The following PTPRD variants were observed in gnomAD, a reference collection of about 807,000 sequenced individuals.
The protein encoded by PTPRD is protein tyrosine phosphatase receptor type D.
Under a neutral mutation model 214.5 loss-of-function variants are expected in PTPRD, and 34 were observed. That is an observed-to-expected ratio of 0.16 (90% confidence interval 0.12 to 0.21). The LOEUF is 0.21. Among genes scored for constraint, PTPRD ranks in the 10% least tolerant of loss-of-function variants. PTPRD has a pLI of 1.00. For missense variants in PTPRD, 2,545 were observed against 2,398.7 expected, an observed-to-expected ratio of 1.06 and a Z score of -1.27; for synonymous variants, 1,128 against 845.7, an observed-to-expected ratio of 1.33 and a Z score of -5.79.
Position 8,867,380 on chromosome 9 carries a change from G to A in PTPRD, c.-103-133434C>T, listed in dbSNP as rs960211837. 2.6e-5 allele frequency among the ~76,000 whole-genome samples: 4 copies of A among 152,182 alleles called. No individual in the cohort carries two copies. The East Asian group carries it at 5.8e-4, about 22-fold the overall frequency. ...CCCTTGGCAAAGACACAAGGGTCCAGCAGTCTAGAAGCAGACTGTTCTGAA... is the reference window on the plus strand; with the variant it reads ...CCCTTGGCAAAGACACAAGGGTCCAACAGTCTAGAAGCAGACTGTTCTGAA... On this transcript the variant is annotated intron_variant, in intron 11 of 45. Coordinates refer to ENST00000381196, the MANE Select transcript of PTPRD (RefSeq NM_002839.4).
intron 2 of PTPRD, among the ~76,000 whole-genome samples, chr9:10,372,559 A>G (rs940563491): frequency 6.6e-6 from 1 of 152,012 alleles, no homozygotes; most frequent in Non-Finnish European, 1.5e-5. Context: ...TTTCATACCC[A>G]TGACATTTTC....
chr9:10,511,852 C>CTGTG (rs201439443), intron 2 of PTPRD, among the ~76,000 whole-genome samples: 64 of 107,150 alleles, frequency 6.0e-4, no homozygotes, highest in African/African-American at 2.3e-3. Context: ...ATATACATAT[C>CTGTG]TGTGTGTGTG....
chr9:9,898,301 T>C (rs1053890190), intron 5 of PTPRD, among the ~76,000 whole-genome samples: 10 of 152,072 alleles, frequency 6.6e-5, no homozygotes, highest in Admixed American at 5.9e-4. Context: ...GAATTCCTTA[T>C]TCAATGGTAT....
chr9:9,670,595 T>C (rs1050238950), intron 7 of PTPRD, among the ~76,000 whole-genome samples: 2 of 152,136 alleles, frequency 1.3e-5, no homozygotes, highest in African/African-American at 4.8e-5. Context: ...GAGAAAATGG[T>C]TCTGTGGGCC....
intron 39 of PTPRD, among the ~76,000 whole-genome samples, chr9:8,353,869 T>TATATGTGTAC (rs2076233683): frequency 6.8e-6 from 1 of 146,788 alleles, no homozygotes; most frequent in African/African-American, 2.5e-5. Flanking sequence ...TATATATGTA[T>TATATGTGTAC]ATATGTATAT....
intron 14 of PTPRD, among the ~76,000 whole-genome samples, chr9:8,544,963 A>C (rs1207108426): frequency 7.1e-6 from 1 of 140,732 alleles, no homozygotes; most frequent in Non-Finnish European, 1.5e-5. Context: ...AGCTTAATTC[A>C]CTTTCCTAAA....
At chr9:10,078,719 T>C (rs1331581668) in intron 3 of PTPRD, among the ~76,000 whole-genome samples, 2 of 152,174 alleles carry the variant, frequency 1.3e-5, no homozygotes, top group Non-Finnish European at 1.5e-5. Context: ...TCTCTTCTGA[T>C]TGCTGTTTCA....
At chr9:10,360,082 G>C (rs914202916) in intron 2 of PTPRD, among the ~76,000 whole-genome samples, 1 of 152,110 alleles carries the variant, frequency 6.6e-6, no homozygotes, top group East Asian at 1.9e-4. Flanking sequence ...TATGCATAGA[G>C]TTCTATATAA....
At chr9:10,323,971 G>C (rs943016672) in intron 3 of PTPRD, among the ~76,000 whole-genome samples, 17 of 152,116 alleles carry the variant, frequency 1.1e-4, no homozygotes, top group Non-Finnish European at 2.5e-4. Flanking sequence ...GAATTTTTAA[G>C]AGAAATTAAA....
At chr9:9,691,377 A>G (rs2097267130) in intron 7 of PTPRD, among the ~76,000 whole-genome samples, 1 of 152,042 alleles carries the variant, frequency 6.6e-6, no homozygotes, top group South Asian at 2.1e-4. Context: ...ATAAATGAGA[A>G]CATGCAATGT....
chr9:10,295,745 T>C (rs2095655462), intron 3 of PTPRD, among the ~76,000 whole-genome samples: 2 of 152,072 alleles, frequency 1.3e-5, no homozygotes, highest in African/African-American at 4.8e-5. Flanking sequence ...GACATCATCC[T>C]ACGTTACCCT....
chr9:10,525,049 G>A (rs546003112), intron 2 of PTPRD, among the ~76,000 whole-genome samples: 17 of 151,844 alleles, frequency 1.1e-4, no homozygotes, highest in African/African-American at 3.6e-4. Flanking sequence ...TATTTTCAGG[G>A]TAGTGGTCTT....
intron 11 of PTPRD, among the ~76,000 whole-genome samples, chr9:8,825,952 A>C (rs1484344663): frequency 6.6e-6 from 1 of 152,090 alleles, no homozygotes; most frequent in African/African-American, 2.4e-5. Flanking sequence ...ATCAACAAGG[A>C]TTTTATGGCC....
chr9:8,682,851 T>C (rs374931686), intron 12 of PTPRD, among the ~76,000 whole-genome samples: 1 of 152,196 alleles, frequency 6.6e-6, no homozygotes, highest in African/African-American at 2.4e-5. Flanking sequence ...CTATCATAGG[T>C]TTTTGCTGTT....
intron 2 of PTPRD, among the ~76,000 whole-genome samples, chr9:10,515,993 G>A (rs1745375056): frequency 1.3e-5 from 2 of 151,866 alleles, no homozygotes; most frequent in Admixed American, 6.6e-5. Flanking sequence ...CATTTAGGTT[G>A]TTTCCACATG....
At chr9:9,652,434 G>C (rs2096386365) in intron 7 of PTPRD, among the ~76,000 whole-genome samples, 1 of 152,054 alleles carries the variant, frequency 6.6e-6, no homozygotes, top group Non-Finnish European at 1.5e-5. Flanking sequence ...ACTTGTAGTT[G>C]GGGAAGGTAT....
chr9:10,559,227 TAC>T (rs1486137865), intron 2 of PTPRD, among the ~76,000 whole-genome samples: 1 of 152,168 alleles, frequency 6.6e-6, no homozygotes, highest in East Asian at 1.9e-4. Flanking sequence ...TTTATATGCA[TAC>T]AAATTATAGT....
intron 2 of PTPRD, among the ~76,000 whole-genome samples, chr9:10,527,674 A>T (rs760672727): frequency 5.9e-5 from 9 of 152,162 alleles, no homozygotes; most frequent in Non-Finnish European, 1.3e-4. Flanking sequence ...TTAAGGACCT[A>T]CAAATGTAAT....
intron 14 of PTPRD, among the ~76,000 whole-genome samples, chr9:8,530,778 G>A (rs2075488349): frequency 6.6e-6 from 1 of 152,136 alleles, no homozygotes; most frequent in Non-Finnish European, 1.5e-5. Context: ...GCGAAAGAAT[G>A]TAAGATGCTA....
Sources: allele counts gnomAD v4.1 joint callset (sites outside exome capture counted in the v4.1 genomes callset), GRCh38; gene constraint gnomAD v4.1.1; transcripts MANE v1.5; gene names NCBI Gene and HGNC (gene_info 2026-07-23, HGNC 2026-07-21).